Variants in SLC7A14 observed in about 807,000 individuals in gnomAD.
SLC7A14 encodes gamma-aminobutyric acid transporter SLC7A14.
A neutral mutation model predicts 60.2 loss-of-function variants in SLC7A14; 37 were observed. The ratio of observed to expected loss-of-function variants is 0.61; its 90% confidence interval spans 0.47 to 0.81. The LOEUF (loss-of-function observed/expected upper bound fraction) is 0.81, where lower values mean the gene tolerates loss of function less well. SLC7A14 is among the 30% of genes least tolerant of loss of function. The pLI is 0.00. For synonymous variants in SLC7A14, 399 were observed against 395.8 expected (o/e 1.01, Z -0.10); for missense variants, 886 against 982.7 (o/e 0.90, Z 1.32).
At position 170,465,223 on chromosome 3, in the gene SLC7A14, A is replaced by G. The variant is rs1027797031; in HGVS notation, c.*1832T>C. 6.6e-6 allele frequency: 1 copy of G among 152,244 alleles called. No homozygotes were observed. Among genetic ancestry groups the G allele is most frequent in the African/African-American group, 2.4e-5 (1 of 41,458 alleles). The allele number at this position is 152,244 out of a possible 1,614,324, so 9.4% of individuals were successfully genotyped here. On this transcript the variant is annotated 3_prime_UTR_variant, in exon 8 of 8. Coordinates refer to ENST00000231706, the MANE Select transcript of SLC7A14 (RefSeq NM_020949.3). ...GGTATACATTGGCTATGATTACGATATGTAATTTATTTAAAGCATATTTTT... is the reference window on the plus strand; with the variant it reads ...GGTATACATTGGCTATGATTACGATGTGTAATTTATTTAAAGCATATTTTT...
chr3:170,496,643 C>A, intron 4 of SLC7A14: 3 of 1,415,080 alleles, frequency 2.1e-6, no homozygotes, highest in Non-Finnish European at 3.0e-6. Flanking sequence ...CGGCTGGAGT[C>A]TGGGATGCAG....
intron 1 of SLC7A14, among the ~76,000 whole-genome samples, chr3:170,564,173 C>G (rs2108311731): frequency 6.6e-6 from 1 of 152,216 alleles, no homozygotes; most frequent in Non-Finnish European, 1.5e-5. Context: ...GTGAATGCTA[C>G]CTAAGCCAGC....
chr3:170,498,735 C>A lies in SLC7A14; in HGVS notation c.691G>T (p.Ala231Ser), dbSNP rs146144886. 18 of 1,614,014 alleles carry A rather than the reference C, an allele frequency of 1.1e-5. No individual in the cohort carries two copies. The African/African-American group carries it at 1.7e-4, about 16-fold the overall frequency. Residue 231 changes from alanine (A) to serine (S), a missense_variant, in exon 4 of 8, where the codon GCA (alanine) becomes TCA (serine). Ala to Ser is a moderately conservative substitution (Grantham distance 99). Coordinates refer to ENST00000231706, the MANE Select transcript of SLC7A14 (RefSeq NM_020949.3). Reference protein sequence around the residue: ...NLAVWVFIMIAGLFFINGKYW... With the variant: ...NLAVWVFIMISGLFFINGKYW... Reference sequence around the variant, plus strand: ...TTCCCATTGATGAAGAAGAGGCCTGCGATCATGATGAACACCCATACTGCC... The same window carrying A: ...TTCCCATTGATGAAGAAGAGGCCTGAGATCATGATGAACACCCATACTGCC...
chr3:170,538,253 T>G (rs1713909158), intron 1 of SLC7A14, among the ~76,000 whole-genome samples: 1 of 152,228 alleles, frequency 6.6e-6, no homozygotes, highest in Non-Finnish European at 1.5e-5. Context: ...GACTTTGTGC[T>G]TCTGGGTTTG....
intron 7 of SLC7A14, among the ~76,000 whole-genome samples, chr3:170,479,452 C>T (rs942076732): frequency 6.6e-6 from 1 of 152,200 alleles, no homozygotes; most frequent in Non-Finnish European, 1.5e-5. Context: ...AGATGATAAG[C>T]AAGTACTGCA....
chr3:170,549,214 C>T (rs199892860), intron 1 of SLC7A14, among the ~76,000 whole-genome samples: 5 of 129,504 alleles, frequency 3.9e-5, no homozygotes, highest in African/African-American at 1.2e-4. Flanking sequence ...CGGCCTTCTT[C>T]TTTTTTTTTT....
At chr3:170,553,521 A>G (rs1714406658) in intron 1 of SLC7A14, among the ~76,000 whole-genome samples, 1 of 152,222 alleles carries the variant, frequency 6.6e-6, no homozygotes, top group African/African-American at 2.4e-5. Flanking sequence ...AAGCCTGCCA[A>G]ATAGCAAGAA....
chr3:170,515,107 G>A (rs1301172319), intron 2 of SLC7A14, among the ~76,000 whole-genome samples: 1 of 152,056 alleles, frequency 6.6e-6, no homozygotes, highest in Non-Finnish European at 1.5e-5. Context: ...GAGGTCAGGA[G>A]TTCTAGACCA....
intron 1 of SLC7A14, among the ~76,000 whole-genome samples, chr3:170,542,987 T>A (rs1714066393): frequency 6.6e-6 from 1 of 151,998 alleles, no homozygotes; most frequent in South Asian, 2.1e-4. Context: ...GGGAAAGAGG[T>A]TTAACCTGAA....
intron 2 of SLC7A14, among the ~76,000 whole-genome samples, chr3:170,516,626 G>A (rs1055790118): frequency 3.6e-4 from 55 of 152,138 alleles, no homozygotes; most frequent in African/African-American, 1.3e-3. Context: ...AATTAGTTGA[G>A]TGTGGTGATG....
intron 7 of SLC7A14, among the ~76,000 whole-genome samples, chr3:170,474,885 G>A (rs948466850): frequency 6.6e-6 from 1 of 152,192 alleles, no homozygotes; most frequent in Non-Finnish European, 1.5e-5. Context: ...CCTATGGTAA[G>A]GGCAAGCTAT....
In SLC7A14 at chr3:170,585,241, A is replaced by G. The variant is rs946867193; in HGVS notation, c.-153+670T>C. ...CTGGGGCTGCCGGCTCTGGGCAGGG[A>G]GCTTCCCTGGACACCGCTCCCGTCA... On this transcript the variant is annotated intron_variant, in intron 1 of 7. Transcript: ENST00000231706. The surrounding 1 kb of genome is among the most constrained non-coding windows in gnomAD (Gnocchi z 5.1). Among the ~76,000 whole-genome samples, 1 of 151,982 alleles carries G rather than the reference A, an allele frequency of 6.6e-6. No individual in the cohort carries two copies. Among genetic ancestry groups the G allele is most frequent in the African/African-American group, 2.4e-5 (1 of 41,362 alleles).
chr3:170,578,919 G>A (rs540118794), intron 1 of SLC7A14, among the ~76,000 whole-genome samples: 1 of 152,198 alleles, frequency 6.6e-6, no homozygotes, highest in Non-Finnish European at 1.5e-5. Context: ...CAACATGGAT[G>A]ATGCTGAGGT....
chr3:170,554,109 T>C (rs1415400618), intron 1 of SLC7A14, among the ~76,000 whole-genome samples: 1 of 151,930 alleles, frequency 6.6e-6, no homozygotes, highest in Non-Finnish European at 1.5e-5. Flanking sequence ...AAACTGCAAA[T>C]TCCAGAGCTA....
chr3:170,564,675 G>A (rs1383765384), intron 1 of SLC7A14, among the ~76,000 whole-genome samples: 1 of 152,170 alleles, frequency 6.6e-6, no homozygotes, highest in African/African-American at 2.4e-5. Flanking sequence ...CTAAGCACTG[G>A]TTTCTTCATC....
At chr3:170,522,547 T>C (rs1713367299) in intron 2 of SLC7A14, among the ~76,000 whole-genome samples, 1 of 152,226 alleles carries the variant, frequency 6.6e-6, no homozygotes, top group Non-Finnish European at 1.5e-5. Context: ...TAAAAGGTTA[T>C]ATACTGAATG....
Position 170,510,408 on chromosome 3 carries a change from AT to A in SLC7A14, c.305-9064del, listed in dbSNP as rs201020622. ...CTGTCAAAAAAAAAAAAATAAATAA[AT>A]AAATAAATAAATAAAGAATGTAACC... On this transcript the variant is annotated intron_variant, in intron 2 of 7. Transcript: ENST00000231706. Among the ~76,000 whole-genome samples, 569 of 143,524 alleles carry A rather than the reference AT, an allele frequency of 4.0e-3. 11 individuals carry two copies. Among genetic ancestry groups the A allele is most frequent in the African/African-American group, 6.2e-3 (248 of 39,910 alleles). 94.2% of individuals were successfully genotyped at this position (143,524 alleles called of 152,430 possible).
intron 4 of SLC7A14, among the ~76,000 whole-genome samples, chr3:170,494,147 G>T (rs886520052): frequency 5.9e-5 from 9 of 152,228 alleles, no homozygotes; most frequent in African/African-American, 1.7e-4. Context: ...TCGAATTTCA[G>T]CTCTATTACT....
Position 170,463,586 on chromosome 3 carries a change from T to G in SLC7A14, c.*3469A>C, listed in dbSNP as rs888472215. 2.0e-5 allele frequency: 3 copies of G among 152,278 alleles called. No homozygotes were observed. The highest frequency in any genetic ancestry group is 7.2e-5 in the African/African-American group (3 of 41,440). 9.4% of individuals were successfully genotyped at this position (152,278 alleles called of 1,614,324 possible). ...AGGCTGGAGTACAGTGGTGTGATCA[T>G]AGCTCACTGCAGCCTTGAACTCCTG... On this transcript the variant is annotated 3_prime_UTR_variant, in exon 8 of 8. Transcript: ENST00000231706.
Sources: gnomAD v4.1 joint callset for allele counts (sites outside exome capture counted in the v4.1 genomes callset) on GRCh38, gnomAD v4.1.1 for gene constraint, Gnocchi (gnomAD v3.1) non-coding constraint, MANE v1.5 for transcripts, NCBI Gene and HGNC (gene_info 2026-07-23, HGNC 2026-07-21) for gene names.